The following RAI1 variants were observed in gnomAD, a reference collection of about 807,000 sequenced individuals.
RAI1 encodes retinoic acid-induced protein 1.
In RAI1, 9 loss-of-function variants were observed where a neutral mutation model predicts 123.8. The observed-to-expected ratio is 0.07, with a 90% confidence interval of 0.04 to 0.13. The LOEUF is 0.13. Among genes scored for constraint, RAI1 ranks in the 10% least tolerant of loss-of-function variants. The pLI, the probability that RAI1 is intolerant of heterozygous loss-of-function variation, is 1.00. For missense variants in RAI1, 2,256 were observed against 2,545.8 expected, an observed-to-expected ratio of 0.89 and a Z score of 2.45; for synonymous variants, 1,231 against 1,127.3, an observed-to-expected ratio of 1.09 and a Z score of -1.84.
At chr17:17,804,048 C>T (rs2143005236) in intron 4 of RAI1, 199 bp downstream of exon 4, 1 of 686,988 alleles carries the variant, frequency 1.5e-6, no homozygotes, top group East Asian at 2.8e-5. Context: ...ATGAGGCATT[C>T]CCCAGGCACC....
In RAI1 at chr17:17,810,003, G is replaced by A. The variant is rs1348202138; in HGVS notation, c.*22G>A. 2 of 1,545,146 alleles carry A rather than the reference G, an allele frequency of 1.3e-6. No individual in the cohort carries two copies. Among genetic ancestry groups the A allele is most frequent in the Non-Finnish European group, 1.7e-6 (2 of 1,145,640 alleles). ...GTAGTAATCCACCCCAACGGCCGGA[G>A]GAGCCGCCGGAGCCCGCCTGCCCGC... is the stretch of plus-strand genomic sequence containing the variant. On this transcript the variant is annotated 3_prime_UTR_variant, in exon 6 of 6. Transcript: ENST00000353383. This position sits in a 1 kb window ranked among gnomAD's most constrained non-coding sequence, Gnocchi z 4.6.
rs894206911 is a variant in RAI1, at chr17:17,794,799, C to T, written c.1851C>T (p.Ala617=). The T allele has an allele frequency of 6.2e-7, 1 of 1,613,130 alleles. No individual in the cohort carries two copies. Residue 617 remains alanine, a synonymous_variant, in exon 3 of 6, where the codon GCC becomes GCT. Transcript: ENST00000353383. ...LASEILGLQE[A]IGEKADKAWA... is the part of the protein sequence containing the mutation. ...CCGAGATCCTGGGGCTGCAGGAAGC[C>T]ATCGGTGAGAAGGCCGACAAAGCTT...
At chr17:17,742,078 G>A (rs979965836) in intron 2 of RAI1, among the ~76,000 whole-genome samples, 1 of 152,266 alleles carries the variant, frequency 6.6e-6, no homozygotes, top group Non-Finnish European at 1.5e-5. Context: ...CTCTTGTGGA[G>A]ACCATAATTC....
chr17:17,802,002 CTCTCTGCTGCCT>C (rs1254325301), intron 3 of RAI1: 2 of 465,292 alleles, frequency 4.3e-6, no homozygotes, highest in Non-Finnish European at 8.9e-6. Context: ...GGCCGCCGCC[CTCTCTGCTGCCT>C]TCTCTACCTC....
At chr17:17,706,399 T>A (rs8082051) in intron 1 of RAI1, among the ~76,000 whole-genome samples, 31,411 of 152,026 alleles carry the variant, frequency 0.21, 3,557 homozygotes, top group East Asian at 0.35. Flanking sequence ...AGGGCATGCA[T>A]AGGTGAAACA....
In RAI1 at chr17:17,712,866, TA is replaced by T. The variant is rs202045093; in HGVS notation, c.-148-11157del. Among the ~76,000 whole-genome samples, 1,388 of 151,954 alleles carry T rather than the reference TA, an allele frequency of 9.1e-3. 23 individuals carry two copies. Among genetic ancestry groups the T allele is most frequent in the African/African-American group, 0.03 (1,239 of 41,422 alleles). ...AAAATAGGATTAGAAAATTGTACAT[TA>T]AAAACACACCAGCCCAGATGCAAAA... On this transcript the variant is annotated intron_variant, in intron 1 of 5. Transcript: ENST00000353383.
intron 2 of RAI1, among the ~76,000 whole-genome samples, chr17:17,740,321 C>G (rs75670142): frequency 0.015 from 2,325 of 152,296 alleles, 51 homozygotes; most frequent in African/African-American, 0.046. Flanking sequence ...CCAGAGAACC[C>G]TTAGGTCCCA....
chr17:17,758,136 T>C (rs916552183), intron 2 of RAI1, among the ~76,000 whole-genome samples: 8 of 152,194 alleles, frequency 5.3e-5, no homozygotes, highest in Non-Finnish European at 8.8e-5. Flanking sequence ...CCTCCGAGCG[T>C]TTTACATAGC....
chr17:17,698,539 C>T (rs1240698352), intron 1 of RAI1, among the ~76,000 whole-genome samples: 1 of 152,204 alleles, frequency 6.6e-6, no homozygotes, highest in Non-Finnish European at 1.5e-5. Context: ...AATGAGGCTG[C>T]TGAGGGCCCC....
At chr17:17,766,427 A>C (rs2030935052) in intron 2 of RAI1, 1 of 152,272 alleles carries the variant, frequency 6.6e-6, no homozygotes, top group Non-Finnish European at 1.5e-5. Context: ...CCTCTCAGCC[A>C]GGCGTGGTGT....
chr17:17,794,924 C>A lies in RAI1; in HGVS notation c.1976C>A (p.Pro659His). The A allele has an allele frequency of 6.2e-7, 1 of 1,613,636 alleles. No homozygotes were observed. The highest frequency in any genetic ancestry group is 8.5e-7 in the Non-Finnish European group (1 of 1,180,030). ...GACTCTGTGGCCAAGAGTGCGTGGCCCCGGCCTGGGGAGCCGGAGGCCCTG... is the reference window on the plus strand; with the variant it reads ...GACTCTGTGGCCAAGAGTGCGTGGCACCGGCCTGGGGAGCCGGAGGCCCTG... ...CLDSVAKSAW[P>H]RPGEPEALPD... The change falls in exon 3 of 6, where the codon CCC becomes CAC. Residue 659 changes from proline (P) to histidine (H), a missense_variant. By Grantham distance (77) the Pro-to-His change is moderately conservative. Around this residue, in one of 7 missense-constraint regions of RAI1, gnomAD observed 566 missense variants for 616.0 expected, o/e 0.92. Transcript: ENST00000353383.
intron 2 of RAI1, chr17:17,778,469 A>G (rs563405343): frequency 9.5e-6 from 3 of 317,084 alleles, no homozygotes; most frequent in African/African-American, 6.5e-5. Context: ...CAGCTTAGGC[A>G]CACAAAGCAC....
rs2032743124 is a variant in RAI1, at chr17:17,810,909, C to CTA, written c.*936_*937dup. The CTA allele has an allele frequency of 2.4e-6, 1 of 409,808 alleles. No individual in the cohort carries two copies. The highest frequency in any genetic ancestry group is 2.7e-5 in the Admixed American group (1 of 37,496). The allele number at this position is 409,808 out of a possible 1,614,324, so 25.4% of individuals were successfully genotyped here. ...TCGTGTACAAAACCTGTGTACCCCT[C>CTA]TATATATATGTTACATAGAATGTAT... On this transcript the variant is annotated 3_prime_UTR_variant, in exon 6 of 6. Coordinates refer to ENST00000353383, the MANE Select transcript of RAI1 (RefSeq NM_030665.4). This position sits in a 1 kb window ranked among gnomAD's most constrained non-coding sequence, Gnocchi z 4.6.
In RAI1 at chr17:17,798,338, C is replaced by T. The variant is rs1414133026; in HGVS notation, c.5390C>T (p.Ala1797Val). 5 of 1,601,520 alleles carry T rather than the reference C, an allele frequency of 3.1e-6. No homozygotes were observed. The East Asian group carries it at 6.7e-5, about 22-fold the overall frequency. The change falls in exon 3 of 6, where the codon GCC (alanine) becomes GTC (valine). Residue 1797 changes from alanine to valine, a missense_variant. Ala to Val is a moderately conservative substitution (Grantham distance 64). This residue lies in a region of RAI1 where 243 missense variants were observed against 316.6 expected (regional missense o/e 0.77). Transcript: ENST00000353383. ...DGREDGGEEA[A>V]PADKGRKHEC... ...CGGGAGGATGGGGGCGAGGAGGCAG[C>T]CCCAGCCGACAAGGGTCGCAAACAT...
At chr17:17,691,462 T>G (rs560150022) in intron 1 of RAI1, among the ~76,000 whole-genome samples, 3 of 152,180 alleles carry the variant, frequency 2.0e-5, no homozygotes, top group Admixed American at 2.0e-4. Flanking sequence ...TTATTTGTAA[T>G]GTGAGCTATG....
At position 17,792,962 on chromosome 17, in the gene RAI1, G is replaced by A. The variant is rs781312985; in HGVS notation, c.14G>A (p.Arg5Gln). The change falls in exon 3 of 6, where the codon CGA becomes CAA. Residue 5 changes from arginine (R) to glutamine (Q), a missense_variant. Around this residue, in one of 7 missense-constraint regions of RAI1, gnomAD observed 336 missense variants for 349.8 expected, o/e 0.96. Coordinates refer to ENST00000353383, the MANE Select transcript of RAI1 (RefSeq NM_030665.4). ...CCAGCCCGAGTCATGCAGTCTTTTC[G>A]AGAAAGGTGTGGTTTCCATGGCAAA... MQSF[R>Q]ERCGFHGKQQ... is the part of the protein sequence containing the mutation. The A allele has an allele frequency of 6.7e-6, 10 of 1,502,838 alleles. No individual in the cohort carries two copies. Among genetic ancestry groups the A allele is most frequent in the Middle Eastern group, 1.8e-4 (1 of 5,434 alleles). 93.1% of individuals were successfully genotyped at this position (1,502,838 alleles called of 1,614,324 possible).
chr17:17,686,657 G>A, intron 1 of RAI1, among the ~76,000 whole-genome samples: 1 of 150,896 alleles, frequency 6.6e-6, no homozygotes, highest in Middle Eastern at 3.4e-3. Flanking sequence ...AAAACATGAG[G>A]GCAGAGAGGT....
intron 1 of RAI1, among the ~76,000 whole-genome samples, chr17:17,688,863 G>T (rs1482526184): frequency 1.3e-5 from 2 of 152,158 alleles, no homozygotes; most frequent in Non-Finnish European, 2.9e-5. Context: ...CTCCCAAAGT[G>T]CTGGGATTAC....
chr17:17,703,464 G>A (rs1915296424), intron 1 of RAI1, among the ~76,000 whole-genome samples: 1 of 152,194 alleles, frequency 6.6e-6, no homozygotes, highest in African/African-American at 2.4e-5. Context: ...GTAGCGTCGG[G>A]AGCAGGAGTT....
Sources: gnomAD v4.1 joint callset for allele counts (sites outside exome capture counted in the v4.1 genomes callset) on GRCh38, gnomAD v4.1.1 for gene constraint, gnomAD v4.1.1 regional missense constraint, Gnocchi (gnomAD v3.1) non-coding constraint, MANE v1.5 for transcripts, NCBI Gene and HGNC (gene_info 2026-07-23, HGNC 2026-07-21) for gene names.